SMARCA2: variants seen among roughly 807,000 people sequenced by gnomAD.
SMARCA2 encodes the protein SWI/SNF related BAF chromatin remodeling complex subunit ATPase 2.
Under a neutral mutation model 199.8 loss-of-function variants are expected in SMARCA2, and 61 were observed. That is an observed-to-expected ratio of 0.31 (90% CI 0.25 to 0.38). The LOEUF is 0.38. Ranked by LOEUF, SMARCA2 falls within the 10% of genes least tolerant of loss-of-function variation. The pLI, the probability that SMARCA2 is intolerant of heterozygous loss-of-function variation, is 1.00. For synonymous variants in SMARCA2, 935 were observed against 732.0 expected (o/e 1.28, Z -4.48); for missense variants, 1,344 against 2,012.2 (o/e 0.67, Z 6.35).
intron 8 of SMARCA2, among the ~76,000 whole-genome samples, 194 bp downstream of exon 8, chr9:2,058,658 G>T (rs151304192): frequency 6.6e-6 from 1 of 152,088 alleles, no homozygotes; most frequent in South Asian, 2.1e-4. Flanking sequence ...AAAAATCTAG[G>T]GGGATGACTG....
chr9:2,051,320 C>G (rs1283253661), intron 5 of SMARCA2, among the ~76,000 whole-genome samples: 2 of 152,102 alleles, frequency 1.3e-5, no homozygotes, highest in Non-Finnish European at 2.9e-5. Context: ...TCTTTTGTGC[C>G]AGGGAATCAG....
intron 15 of SMARCA2, among the ~76,000 whole-genome samples, chr9:2,082,309 GTGTGTGT>G (rs1821601806): frequency 2.8e-5 from 1 of 35,412 alleles, no homozygotes; most frequent in African/African-American, 6.2e-5. Context: ...GGGGAAAGGT[GTGTGTGT>G]GTGTGTGTGT....
At chr9:2,045,405 G>C (rs1819793386) in intron 4 of SMARCA2, 1 of 152,136 alleles carries the variant, frequency 6.6e-6, no homozygotes, top group Admixed American at 6.5e-5. Context: ...CACACCTAGA[G>C]CAACCCAAAT....
At chr9:2,088,930 A>C (rs1428130473) in intron 19 of SMARCA2, among the ~76,000 whole-genome samples, 1 of 141,058 alleles carries the variant, frequency 7.1e-6, no homozygotes, top group Non-Finnish European at 1.5e-5. Flanking sequence ...TGTTGCAGGC[A>C]CTGTAGAATT....
In SMARCA2 at chr9:2,097,271, G is replaced by A. The variant is rs1477182477; in HGVS notation, c.2992-114G>A. On this transcript the variant is annotated intron_variant, in intron 20 of 33. Transcript: ENST00000349721. The stretch of plus-strand genomic sequence containing the variant: ...GCTTTGAACCACAAGGTGTGTAGGT[G>A]ACTGAAAAAACCTATGGTCCTTTGT... The A allele has an allele frequency of 4.5e-6, 3 of 660,554 alleles. No individual in the cohort carries two copies. The Admixed American group carries it at 7.3e-5, about 16-fold the overall frequency. The allele number at this position is 660,554 out of a possible 1,614,324, so 40.9% of individuals were successfully genotyped here.
intron 33 of SMARCA2, 53 bp downstream of exon 33, chr9:2,191,461 T>C (rs1563848878): frequency 1.3e-6 from 2 of 1,598,020 alleles, no homozygotes; most frequent in Non-Finnish European, 1.7e-6. Context: ...CCCTGCTTGC[T>C]GGCCTCTTGC....
chr9:2,021,082 A>G (rs1173075096), intron 1 of SMARCA2, among the ~76,000 whole-genome samples: 2 of 152,222 alleles, frequency 1.3e-5, no homozygotes, highest in African/African-American at 2.4e-5. Context: ...ACAATATTCT[A>G]TAGTATTTTT....
intron 25 of SMARCA2, among the ~76,000 whole-genome samples, chr9:2,117,498 A>G (rs926343752): frequency 2.0e-5 from 3 of 152,212 alleles, no homozygotes; most frequent in Non-Finnish European, 2.9e-5. Context: ...TGTTGTTTAT[A>G]CACTTGGACA....
At chr9:2,066,752 T>G (rs1216811420) in intron 9 of SMARCA2, among the ~76,000 whole-genome samples, 1 of 152,226 alleles carries the variant, frequency 6.6e-6, no homozygotes, top group Admixed American at 6.5e-5. Flanking sequence ...TGTCTGCAAT[T>G]AAACGATGCA....
At position 2,056,953 on chromosome 9, in the gene SMARCA2, A is replaced by G. The variant is rs1820380564; in HGVS notation, c.1347+108A>G. The G allele has an allele frequency of 2.2e-6, 2 of 892,618 alleles. No homozygotes were observed. The highest frequency in any genetic ancestry group is 2.7e-5 in the Admixed American group (1 of 37,428). The allele number at this position is 892,618 out of a possible 1,614,324, so 55.3% of individuals were successfully genotyped here. A position where few individuals can be genotyped will look rare whatever the true frequency, so the allele number is the denominator to read the frequency against. On this transcript the variant is annotated intron_variant, in intron 7 of 33. Coordinates refer to ENST00000349721, the MANE Select transcript of SMARCA2 (RefSeq NM_003070.5). The surrounding 1 kb of genome is among the most constrained non-coding windows in gnomAD (Gnocchi z 4.0). ...AAATGGACCCTTGTGGGTGGTGGGG[A>G]CATCACAGAACAGAACGGTTCCTTG... is the stretch of plus-strand genomic sequence containing the variant.
chr9:2,187,535 A>T (rs996359493), intron 32 of SMARCA2, among the ~76,000 whole-genome samples: 1 of 152,096 alleles, frequency 6.6e-6, no homozygotes, highest in Non-Finnish European at 1.5e-5. Context: ...AGAAATAGCC[A>T]AGTGTGGTGG....
intron 27 of SMARCA2, among the ~76,000 whole-genome samples, chr9:2,127,083 A>G (rs1823729577): frequency 6.6e-6 from 1 of 152,058 alleles, no homozygotes; most frequent in Admixed American, 6.6e-5. Flanking sequence ...CTCCTCCTTC[A>G]AGGCCCAATT....
At chr9:2,044,252 C>T (rs1231871990) in intron 4 of SMARCA2, 2 of 152,194 alleles carry the variant, frequency 1.3e-5, no homozygotes, top group Admixed American at 1.3e-4. Flanking sequence ...GAAATAGACC[C>T]ACACGGTAAA....
In SMARCA2 at chr9:2,186,076, A is replaced by G; in HGVS notation, c.4462-20A>G. On this transcript the variant is annotated intron_variant, in intron 31 of 33. Transcript: ENST00000349721. ...GTAACTCAGCTTGCAGTTTTAACAG[A>G]TGCCCCTTTGACCATTTAGATCTAT... The G allele has an allele frequency of 6.2e-7, 1 of 1,611,708 alleles. No individual in the cohort carries two copies. Among genetic ancestry groups the G allele is most frequent in the Non-Finnish European group, 8.5e-7 (1 of 1,178,466 alleles).
intron 32 of SMARCA2, among the ~76,000 whole-genome samples, chr9:2,188,232 T>TA (rs1827627969): frequency 6.6e-6 from 1 of 152,134 alleles, no homozygotes; most frequent in Non-Finnish European, 1.5e-5. Context: ...GTGAATGTAC[T>TA]GTAACGTGTT....
intron 22 of SMARCA2, among the ~76,000 whole-genome samples, chr9:2,103,434 A>G (rs894067177): frequency 6.6e-6 from 1 of 152,224 alleles, no homozygotes; most frequent in African/African-American, 2.4e-5. Flanking sequence ...TTATTTTAAT[A>G]GTATTTATTA....
intron 21 of SMARCA2, among the ~76,000 whole-genome samples, chr9:2,099,623 T>A (rs910129897): frequency 5.3e-4 from 80 of 152,246 alleles, no homozygotes; most frequent in African/African-American, 1.9e-3. Flanking sequence ...AGACTCTGAT[T>A]TGCAATTTTT....
Position 2,161,757 on chromosome 9 carries a change from T to G in SMARCA2, c.4053T>G (p.Asn1351Lys). The G allele has an allele frequency of 6.2e-7, 1 of 1,613,856 alleles. No homozygotes were observed. The highest frequency in any genetic ancestry group is 8.5e-7 in the Non-Finnish European group (1 of 1,179,952). ...TTAAGAAGCGAAAAAGACGAAGAAA[T>G]GTGGATAAAGATCCTGCAAAAGAAG... The part of the protein sequence containing the change: ...VRLKKRKRRR[N>K]VDKDPAKEDV... Residue 1351 changes from asparagine to lysine, a missense_variant, in exon 28 of 34, where the codon AAT becomes AAG. By Grantham distance (94) the Asn-to-Lys change is moderately conservative (BLOSUM62 0). Around this residue, in one of 18 missense-constraint regions of SMARCA2, gnomAD observed 151 missense variants for 154.0 expected, o/e 0.98. Coordinates refer to ENST00000349721, the MANE Select transcript of SMARCA2 (RefSeq NM_003070.5). The surrounding 1 kb of genome is among the most constrained non-coding windows in gnomAD (Gnocchi z 4.7).
intron 27 of SMARCA2, among the ~76,000 whole-genome samples, chr9:2,130,936 T>G (rs1823921187): frequency 6.6e-6 from 1 of 152,220 alleles, no homozygotes; most frequent in African/African-American, 2.4e-5. Context: ...TCATCATTAT[T>G]GAGCCAGGGG....
Sources: gnomAD v4.1 joint callset for allele counts (sites outside exome capture counted in the v4.1 genomes callset) on GRCh38, gnomAD v4.1.1 for gene constraint, gnomAD v4.1.1 regional missense constraint, Gnocchi (gnomAD v3.1) non-coding constraint, MANE v1.5 for transcripts, NCBI Gene and HGNC (gene_info 2026-07-23, HGNC 2026-07-21) for gene names.